The following GRIA4 variants were observed in gnomAD, a reference collection of about 807,000 sequenced individuals.
The protein encoded by GRIA4 is glutamate receptor 4.
GRIA4 carries 34 observed loss-of-function variants against 104.0 expected under a neutral mutation model. The observed-to-expected ratio is 0.33, with a 90% CI of 0.25 to 0.44. The LOEUF (loss-of-function observed/expected upper bound fraction) is 0.44. GRIA4 is among the 20% of genes least tolerant of loss of function. The pLI is 1.00. For missense variants in GRIA4, 750 were observed against 1,096.5 expected (o/e 0.68, Z 4.46); for synonymous variants, 386 against 381.9 (o/e 1.01, Z -0.13).
chr11:105,752,933 A>G (rs1940088633), intron 3 of GRIA4, 48 bp from the exon 4 acceptor site: 1 of 1,574,550 alleles, frequency 6.4e-7, no homozygotes, highest in African/African-American at 1.4e-5. Flanking sequence ...CAAAGTCAAC[A>G]ATTTGAGTGT....
intron 3 of GRIA4, among the ~76,000 whole-genome samples, chr11:105,668,378 T>C (rs2135429852): frequency 6.7e-6 from 1 of 149,478 alleles, no homozygotes; most frequent in East Asian, 2.0e-4. Flanking sequence ...ATATAAAATA[T>C]TTTAAAAACT....
intron 10 of GRIA4, chr11:105,912,553 T>A (rs1947287136): frequency 3.6e-6 from 1 of 281,686 alleles, no homozygotes; most frequent in Non-Finnish European, 5.3e-6. Flanking sequence ...TATTTATATA[T>A]ATATATAAAG....
intron 11 of GRIA4, among the ~76,000 whole-genome samples, 156 bp downstream of exon 11, chr11:105,919,074 T>C (rs529262467): frequency 6.1e-4 from 93 of 152,110 alleles, no homozygotes; most frequent in Non-Finnish European, 1.1e-3. Context: ...ATTTTATTAA[T>C]AATGCAATCC....
chr11:105,686,989 A>T (rs531014148), intron 3 of GRIA4, among the ~76,000 whole-genome samples: 1 of 152,234 alleles, frequency 6.6e-6, no homozygotes, highest in East Asian at 1.9e-4. Flanking sequence ...TTAGTTAGTG[A>T]AATTTTTTTT....
At chr11:105,661,048 C>A (rs1395107983) in intron 3 of GRIA4, among the ~76,000 whole-genome samples, 1 of 142,564 alleles carries the variant, frequency 7.0e-6, no homozygotes, top group Admixed American at 7.4e-5. Flanking sequence ...GTGAAAAACA[C>A]TGAAGCAAAC....
chr11:105,771,583 A>C (rs915461794), intron 4 of GRIA4, among the ~76,000 whole-genome samples: 2 of 152,104 alleles, frequency 1.3e-5, no homozygotes, highest in African/African-American at 2.4e-5. Context: ...CCAGATATTG[A>C]TTTACACAGT....
At chr11:105,945,735 T>G (rs1948290564) in intron 14 of GRIA4, among the ~76,000 whole-genome samples, 2 of 152,324 alleles carry the variant, frequency 1.3e-5, no homozygotes, top group South Asian at 4.1e-4. Context: ...TGCTAATGCA[T>G]TTATGTTTTC....
At chr11:105,942,623 G>A (rs905198428) in intron 14 of GRIA4, among the ~76,000 whole-genome samples, 1 of 151,920 alleles carries the variant, frequency 6.6e-6, no homozygotes, top group African/African-American at 2.4e-5. Flanking sequence ...TGCTCTTAAG[G>A]GAAGAGAACA....
At chr11:105,656,229 C>T (rs1174627152) in intron 3 of GRIA4, among the ~76,000 whole-genome samples, 1 of 151,880 alleles carries the variant, frequency 6.6e-6, no homozygotes, top group African/African-American at 2.4e-5. Flanking sequence ...CTGGATATTA[C>T]TATCTGATAT....
chr11:105,691,334 G>A (rs902612488), intron 3 of GRIA4, among the ~76,000 whole-genome samples: 1 of 151,812 alleles, frequency 6.6e-6, no homozygotes, highest in African/African-American at 2.4e-5. Context: ...TTTAAATATA[G>A]GAAACAAAAA....
chr11:105,931,619 T>C (rs1222471770), intron 13 of GRIA4, among the ~76,000 whole-genome samples: 1 of 151,922 alleles, frequency 6.6e-6, no homozygotes. Flanking sequence ...ACAGGAGAAT[T>C]GCTTGAACCT....
At chr11:105,945,405 T>C (rs1948283357) in intron 14 of GRIA4, 2 of 425,490 alleles carry the variant, frequency 4.7e-6, no homozygotes, top group African/African-American at 4.3e-5. Context: ...GAACTGAACT[T>C]GACTTTAATA....
At chr11:105,704,776 T>G (rs1438942294) in intron 3 of GRIA4, among the ~76,000 whole-genome samples, 2 of 152,148 alleles carry the variant, frequency 1.3e-5, no homozygotes, top group Non-Finnish European at 2.9e-5. Flanking sequence ...TAGACTCGAA[T>G]AAGTGAGAAG....
chr11:105,669,559 T>A (rs1351599518), intron 3 of GRIA4, among the ~76,000 whole-genome samples: 6 of 152,118 alleles, frequency 3.9e-5, no homozygotes, highest in Admixed American at 3.9e-4. Flanking sequence ...AAAATCCACC[T>A]CATTTTTACG....
chr11:105,705,013 A>G (rs1297840769), intron 3 of GRIA4, among the ~76,000 whole-genome samples: 1 of 152,176 alleles, frequency 6.6e-6, no homozygotes, highest in African/African-American at 2.4e-5. Flanking sequence ...ATAAAAGTGC[A>G]CTTCAAAGTT....
rs1224084626 is a variant in GRIA4, at chr11:105,737,782, T to C, written c.248-15199T>C. ...TTTCTTTTCAAGTGGTGGAATGAAA[T>C]GAACATGAACTTTGGAAGCAGATGT... is the stretch of plus-strand genomic sequence containing the variant. On this transcript the variant is annotated intron_variant, in intron 3 of 16. Coordinates refer to ENST00000282499, the MANE Select transcript of GRIA4 (RefSeq NM_000829.4). 2.0e-5 allele frequency among the ~76,000 whole-genome samples: 3 copies of C among 152,234 alleles called. No individual in the cohort carries two copies. In the South Asian group the frequency reaches 6.2e-4, roughly 32 times the overall value.
At chr11:105,834,750 T>C (rs2135941995) in intron 4 of GRIA4, among the ~76,000 whole-genome samples, 1 of 148,296 alleles carries the variant, frequency 6.7e-6, no homozygotes, top group Admixed American at 6.9e-5. Flanking sequence ...CTGTGTGGCA[T>C]GAGCCAATAA....
intron 3 of GRIA4, among the ~76,000 whole-genome samples, chr11:105,714,985 A>G (rs1321043919): frequency 6.6e-6 from 1 of 152,162 alleles, no homozygotes; most frequent in Non-Finnish European, 1.5e-5. Context: ...GTAACTGTGA[A>G]TCTACAGTCA....
At chr11:105,959,132 AT>A (rs1948668865) in intron 14 of GRIA4, among the ~76,000 whole-genome samples, 1 of 151,990 alleles carries the variant, frequency 6.6e-6, no homozygotes, top group African/African-American at 2.4e-5. Flanking sequence ...TGTTCTCTGT[AT>A]TTCCTGAATT....
Sources: gnomAD v4.1 joint callset for allele counts (sites outside exome capture counted in the v4.1 genomes callset) on GRCh38, gnomAD v4.1.1 for gene constraint, MANE v1.5 for transcripts, NCBI Gene and HGNC (gene_info 2026-07-23, HGNC 2026-07-21) for gene names.